The following ZFAT variants were observed in gnomAD, a reference collection of about 807,000 sequenced individuals.
ZFAT encodes the protein zinc finger and AT-hook domain containing.
In ZFAT, 64 loss-of-function variants were observed where a neutral mutation model predicts 117.7. The ratio of observed to expected loss-of-function variants is 0.54; its 90% CI spans 0.44 to 0.67. ZFAT has a LOEUF of 0.67. ZFAT is among the 30% of genes least tolerant of loss of function. The pLI, the probability that ZFAT is intolerant of heterozygous loss-of-function variation, is 0.00. For synonymous variants in ZFAT, 679 were observed against 615.0 expected (o/e 1.10, Z -1.54); for missense variants, 1,433 against 1,584.5 (o/e 0.90, Z 1.62).
At chr8:134,642,830 T>C (rs1225132136) in intron 2 of ZFAT, among the ~76,000 whole-genome samples, 1 of 152,218 alleles carries the variant, frequency 6.6e-6, no homozygotes, top group Non-Finnish European at 1.5e-5. Flanking sequence ...TCAATCTCCC[T>C]GACGTTTATT....
the ZFAT span, among the ~76,000 whole-genome samples, chr8:134,811,726 C>CTGAT: frequency 6.6e-6 from 1 of 152,178 alleles, no homozygotes; most frequent in African/African-American, 2.4e-5. Flanking sequence ...TGATAGTCTA[C>CTGAT]TGATAGGAAA....
At chr8:134,791,111 T>C in the ZFAT span, among the ~76,000 whole-genome samples, 1 of 152,224 alleles carries the variant, frequency 6.6e-6, no homozygotes, top group Non-Finnish European at 1.5e-5. Flanking sequence ...TTCATTCCTT[T>C]ATTAAAGCCA....
At chr8:134,788,423 A>G in the ZFAT span, among the ~76,000 whole-genome samples, 1 of 152,128 alleles carries the variant, frequency 6.6e-6, no homozygotes, top group Non-Finnish European at 1.5e-5. Flanking sequence ...GGGTTTCTCT[A>G]ATCATCTTTT....
chr8:134,518,085 T>G (rs1271651864), intron 13 of ZFAT, among the ~76,000 whole-genome samples: 2 of 152,206 alleles, frequency 1.3e-5, no homozygotes, highest in Non-Finnish European at 2.9e-5. Flanking sequence ...CCTACTAACT[T>G]TAGCACTCAT....
chr8:134,770,059 G>A, the ZFAT span, among the ~76,000 whole-genome samples: 2 of 152,232 alleles, frequency 1.3e-5, no homozygotes, highest in African/African-American at 4.8e-5. Context: ...TGTGATGGGA[G>A]GAGCTGCCAC....
intron 5 of ZFAT, among the ~76,000 whole-genome samples, chr8:134,607,586 A>G (rs920629740): frequency 6.6e-6 from 1 of 152,260 alleles, no homozygotes; most frequent in African/African-American, 2.4e-5. Flanking sequence ...TGCCCAGCAC[A>G]TAAGAGGTGT....
intron 9 of ZFAT, among the ~76,000 whole-genome samples, chr8:134,585,661 G>A (rs1230664438): frequency 6.6e-6 from 1 of 152,120 alleles, no homozygotes; most frequent in Admixed American, 6.6e-5. Flanking sequence ...GCACTTCCGT[G>A]GACTCTGTGA....
the ZFAT span, among the ~76,000 whole-genome samples, chr8:134,768,130 A>G: frequency 9.2e-5 from 14 of 152,198 alleles, 1 homozygote; most frequent in East Asian, 1.2e-3. Context: ...GTTTGTGGCA[A>G]CCCTCTGTTG....
chr8:134,622,948 T>C (rs989811093), intron 3 of ZFAT, among the ~76,000 whole-genome samples: 2 of 152,138 alleles, frequency 1.3e-5, no homozygotes, highest in African/African-American at 2.4e-5. Context: ...CATGACTTGA[T>C]GCTGTACCTA....
chr8:134,583,464 T>C (rs980322506), intron 10 of ZFAT, among the ~76,000 whole-genome samples: 2 of 152,172 alleles, frequency 1.3e-5, no homozygotes, highest in Non-Finnish European at 2.9e-5. Context: ...CCAGGTGTGA[T>C]CAAGGTTGCC....
At chr8:134,653,667 T>C (rs991595994) in intron 2 of ZFAT, among the ~76,000 whole-genome samples, 2 of 152,134 alleles carry the variant, frequency 1.3e-5, no homozygotes, top group Non-Finnish European at 2.9e-5. Context: ...ACAATGTATA[T>C]GTATATCAAA....
the ZFAT span, among the ~76,000 whole-genome samples, chr8:134,798,636 G>A: frequency 6.6e-6 from 1 of 152,058 alleles, no homozygotes; most frequent in Non-Finnish European, 1.5e-5. Flanking sequence ...GAGACAAAGT[G>A]AGGCAAATCT....
intron 1 of ZFAT, among the ~76,000 whole-genome samples, chr8:134,678,035 C>A (rs1305667535): frequency 6.6e-6 from 1 of 152,144 alleles, no homozygotes; most frequent in African/African-American, 2.4e-5. Context: ...TGAAAACTGG[C>A]ACAAGACAAG....
Position 134,623,060 on chromosome 8 carries a change from G to A in ZFAT, c.449-12405C>T, listed in dbSNP as rs891838004. Among the ~76,000 whole-genome samples, 12 of 152,178 alleles carry A rather than the reference G, an allele frequency of 7.9e-5. No individual in the cohort carries two copies. The East Asian group carries it at 1.5e-3, about 20-fold the overall frequency. ...GTTGGTACCCTGATGGCTCCCCCAGGCCATCCTCTTAGTCATCTCTGGATG... is the reference window on the plus strand; with the variant it reads ...GTTGGTACCCTGATGGCTCCCCCAGACCATCCTCTTAGTCATCTCTGGATG... On this transcript the variant is annotated intron_variant, in intron 3 of 15. Transcript: ENST00000377838.
chr8:134,548,144 T>C (rs1478090265), intron 11 of ZFAT, among the ~76,000 whole-genome samples: 1 of 152,224 alleles, frequency 6.6e-6, no homozygotes, highest in Non-Finnish European at 1.5e-5. Flanking sequence ...AACCTATTCA[T>C]TTACTCATTT....
At chr8:134,629,661 T>G (rs1340628070) in intron 3 of ZFAT, among the ~76,000 whole-genome samples, 2 of 152,166 alleles carry the variant, frequency 1.3e-5, no homozygotes, top group African/African-American at 4.8e-5. Context: ...TCATTCACTC[T>G]CTCTCCTGCC....
the ZFAT span, among the ~76,000 whole-genome samples, chr8:134,809,356 C>A: frequency 6.6e-6 from 1 of 152,190 alleles, no homozygotes; most frequent in Non-Finnish European, 1.5e-5. Flanking sequence ...AACCATTGAT[C>A]TGAGCTTAGT....
At chr8:134,647,809 C>T (rs1018964607) in intron 2 of ZFAT, among the ~76,000 whole-genome samples, 37 of 151,842 alleles carry the variant, frequency 2.4e-4, no homozygotes, top group African/African-American at 8.0e-4. Context: ...GTGAAAGATC[C>T]GTATACTAAA....
intron 10 of ZFAT, among the ~76,000 whole-genome samples, chr8:134,569,226 A>G (rs1255037166): frequency 3.3e-5 from 5 of 152,152 alleles, no homozygotes; most frequent in Non-Finnish European, 7.4e-5. Context: ...ACCTGGTATC[A>G]AGACTCTGAG....
Sources: allele counts gnomAD v4.1 joint callset (sites outside exome capture counted in the v4.1 genomes callset), GRCh38; gene constraint gnomAD v4.1.1; transcripts MANE v1.5; gene names NCBI Gene and HGNC (gene_info 2026-07-23, HGNC 2026-07-21).